Variants in SLC16A10 observed in about 807,000 individuals in gnomAD.
SLC16A10 encodes the protein monocarboxylate transporter 10.
SLC16A10 carries 27 observed loss-of-function variants against 40.0 expected under a neutral mutation model. The ratio of observed to expected loss-of-function variants is 0.67; its 90% confidence interval spans 0.50 to 0.93. The LOEUF is 0.93. Ranked by LOEUF, SLC16A10 falls within the 40% of genes least tolerant of loss-of-function variation. The probability of loss-of-function intolerance (pLI) is 0.00; values close to 1 mark genes in which losing one functional copy is unlikely to be tolerated. For missense variants in SLC16A10, 529 were observed against 658.2 expected, an observed-to-expected ratio of 0.80 and a Z score of 2.15; for synonymous variants, 213 against 249.8, an observed-to-expected ratio of 0.85 and a Z score of 1.39.
At chr6:111,108,442 A>G (rs997945959) in intron 1 of SLC16A10, among the ~76,000 whole-genome samples, 2 of 152,174 alleles carry the variant, frequency 1.3e-5, no homozygotes, top group African/African-American at 4.8e-5. Context: ...GACATGATTA[A>G]ATTCCTGGGA....
intron 1 of SLC16A10, among the ~76,000 whole-genome samples, chr6:111,134,559 A>G (rs2114493763): frequency 6.8e-6 from 1 of 147,956 alleles, no homozygotes; most frequent in Middle Eastern, 3.4e-3. Context: ...AAATGGGATA[A>G]AAAAAAAAAG....
intron 1 of SLC16A10, among the ~76,000 whole-genome samples, chr6:111,098,104 A>G (rs143680426): frequency 0.013 from 2,039 of 152,042 alleles, no homozygotes; most frequent in African/African-American, 0.047. Context: ...GTCCGGAGTT[A>G]GAGACCAGCC....
chr6:111,142,180 C>T (rs563698328), intron 1 of SLC16A10, among the ~76,000 whole-genome samples: 4 of 152,172 alleles, frequency 2.6e-5, no homozygotes, highest in East Asian at 3.9e-4. Context: ...ACAAACAGAT[C>T]GATGGAACAG....
At position 111,197,668 on chromosome 6, in the gene SLC16A10, G is replaced by A. The variant is rs564180760; in HGVS notation, c.943-8924G>A. On this transcript the variant is annotated intron_variant, in intron 3 of 5. Transcript: ENST00000368851. Reference sequence around the variant, plus strand: ...GTTTAATTGGCTCACGATTCTGCAGGCTGTATAGGAAGCATGGCCCCAGCA... The same window carrying A: ...GTTTAATTGGCTCACGATTCTGCAGACTGTATAGGAAGCATGGCCCCAGCA... Among the ~76,000 whole-genome samples, 345 of 152,228 alleles carry A rather than the reference G, an allele frequency of 2.3e-3. 1 individual carries two copies. Among genetic ancestry groups the A allele is most frequent in the African/African-American group, 7.8e-3 (326 of 41,538 alleles).
intron 1 of SLC16A10, among the ~76,000 whole-genome samples, chr6:111,126,103 G>A (rs961357588): frequency 4.7e-4 from 71 of 152,076 alleles, no homozygotes; most frequent in African/African-American, 1.6e-3. Context: ...ATTTATAATC[G>A]ATAGTGCCCA....
At chr6:111,102,932 C>T (rs1392182599) in intron 1 of SLC16A10, among the ~76,000 whole-genome samples, 1 of 152,120 alleles carries the variant, frequency 6.6e-6, no homozygotes, top group African/African-American at 2.4e-5. Context: ...GACAGGGTCT[C>T]GCTCTGTCAC....
chr6:111,144,546 A>T (rs559101215), intron 1 of SLC16A10, among the ~76,000 whole-genome samples: 1 of 152,380 alleles, frequency 6.6e-6, no homozygotes, highest in Non-Finnish European at 1.5e-5. Flanking sequence ...AAACAAATGT[A>T]AAAATAAAAA....
chr6:111,218,974 T>G lies in SLC16A10; in HGVS notation c.1247T>G (p.Val416Gly). The change falls in exon 5 of 6, where the codon GTC (valine) becomes GGC (glycine). Residue 416 changes from valine (V) to glycine (G), a missense_variant. By Grantham distance (109) the Val-to-Gly change is moderately radical (BLOSUM62 -3). Transcript: ENST00000368851. ...TTTGAGTTAGTTGGTGCCCAGGATG[T>G]CTCCCAAGCAATTGGATTTCTGCTC... The part of the protein sequence containing the change: ...IAFELVGAQD[V>G]SQAIGFLLGF... 6.2e-7 allele frequency: 1 copy of G among 1,614,112 alleles called. No individual in the cohort carries two copies. Among genetic ancestry groups the G allele is most frequent in the Non-Finnish European group, 8.5e-7 (1 of 1,180,022 alleles).
chr6:111,111,579 C>G (rs1018883625), intron 1 of SLC16A10, among the ~76,000 whole-genome samples: 4 of 152,122 alleles, frequency 2.6e-5, no homozygotes, highest in African/African-American at 9.7e-5. Flanking sequence ...AAAAAGAATG[C>G]AATATTGTCT....
At chr6:111,101,340 T>C (rs988743827) in intron 1 of SLC16A10, among the ~76,000 whole-genome samples, 1 of 152,026 alleles carries the variant, frequency 6.6e-6, no homozygotes. Flanking sequence ...CCTAGATTTT[T>C]TTGAATTGTA....
At chr6:111,138,654 T>C (rs548515162) in intron 1 of SLC16A10, among the ~76,000 whole-genome samples, 2 of 152,258 alleles carry the variant, frequency 1.3e-5, no homozygotes, top group East Asian at 3.9e-4. Flanking sequence ...TGCTTTTTTT[T>C]TTTCTTTTTT....
At chr6:111,183,780 T>C (rs900029561) in intron 3 of SLC16A10, among the ~76,000 whole-genome samples, 7 of 152,128 alleles carry the variant, frequency 4.6e-5, no homozygotes, top group African/African-American at 1.4e-4. Context: ...AATTTTAAGA[T>C]AAATAGAAGA....
chr6:111,188,486 A>C (rs1772937719), intron 3 of SLC16A10, among the ~76,000 whole-genome samples: 1 of 152,040 alleles, frequency 6.6e-6, no homozygotes, highest in Non-Finnish European at 1.5e-5. Context: ...CCTTGACACA[A>C]GGATATATAT....
intron 1 of SLC16A10, among the ~76,000 whole-genome samples, chr6:111,134,435 A>G (rs1232084849): frequency 6.6e-6 from 1 of 152,168 alleles, no homozygotes; most frequent in African/African-American, 2.4e-5. Context: ...TGCAGATATT[A>G]GAAAAAAACT....
chr6:111,101,511 G>T (rs750615504), intron 1 of SLC16A10, among the ~76,000 whole-genome samples: 1 of 152,182 alleles, frequency 6.6e-6, no homozygotes, highest in Non-Finnish European at 1.5e-5. Context: ...GTTAAATAGA[G>T]ACCATGAGTA....
intron 3 of SLC16A10, among the ~76,000 whole-genome samples, chr6:111,185,511 C>T (rs1159452852): frequency 6.6e-6 from 1 of 152,258 alleles, no homozygotes; most frequent in East Asian, 1.9e-4. Flanking sequence ...GAGAAAATAT[C>T]TATACCCTTA....
intron 1 of SLC16A10, among the ~76,000 whole-genome samples, chr6:111,114,442 G>T (rs1771449007): frequency 1.3e-5 from 2 of 152,174 alleles, no homozygotes; most frequent in African/African-American, 2.4e-5. Flanking sequence ...CACTGAGAAA[G>T]GGGGAAAATT....
chr6:111,202,410 C>G (rs533656792), intron 3 of SLC16A10, among the ~76,000 whole-genome samples: 1 of 151,768 alleles, frequency 6.6e-6, no homozygotes, highest in African/African-American at 2.4e-5. Context: ...CCCAGGAGGT[C>G]GAGGCTGCAG....
intron 1 of SLC16A10, among the ~76,000 whole-genome samples, chr6:111,156,361 G>A (rs989443780): frequency 6.6e-6 from 1 of 152,200 alleles, no homozygotes; most frequent in Non-Finnish European, 1.5e-5. Flanking sequence ...CAACTTCACA[G>A]TGGAGGAATC....
Sources: allele counts gnomAD v4.1 joint callset (sites outside exome capture counted in the v4.1 genomes callset), GRCh38; gene constraint gnomAD v4.1.1; transcripts MANE v1.5; gene names NCBI Gene and HGNC (gene_info 2026-07-23, HGNC 2026-07-21).